HS3ST4: variants seen among roughly 807,000 people sequenced by gnomAD.
HS3ST4 encodes the protein heparan sulfate-glucosamine 3-sulfotransferase 4.
In HS3ST4, 17 loss-of-function variants were observed where a neutral mutation model predicts 29.2. The observed-to-expected ratio is 0.58, with a 90% CI of 0.40 to 0.87. HS3ST4 has a LOEUF of 0.87. Ranked by LOEUF, HS3ST4 falls within the 40% of genes least tolerant of loss-of-function variation. The pLI is 0.00. For synonymous variants in HS3ST4, 314 were observed against 285.7 expected (o/e 1.10, Z -1.00); for missense variants, 627 against 634.5 (o/e 0.99, Z 0.13).
rs549661098 is a variant in HS3ST4 at position 25,734,291 on chromosome 16, A to G, written c.734+41140A>G. Reference sequence around the variant, plus strand: ...ATTTCCCAACTCTTTACATTGCCACAAGTATGTAAAAATCGCAGAATGTGC... The same window carrying G: ...ATTTCCCAACTCTTTACATTGCCACGAGTATGTAAAAATCGCAGAATGTGC... On this transcript the variant is annotated intron_variant, in intron 1 of 1. Coordinates refer to ENST00000331351, the MANE Select transcript of HS3ST4 (RefSeq NM_006040.3). Among the ~76,000 whole-genome samples the G allele has an allele frequency of 2.6e-5, 4 of 152,302 alleles. No individual in the cohort carries two copies. The East Asian group carries it at 7.7e-4, about 29-fold the overall frequency.
rs1969642758 is a variant in HS3ST4, at chr16:26,042,335, C to T, written c.735-93277C>T. Among the ~76,000 whole-genome samples the T allele has an allele frequency of 2.0e-5, 3 of 151,408 alleles. No individual in the cohort carries two copies. In the South Asian group the frequency reaches 6.3e-4, roughly 32 times the overall value. ...CTGTTTAACCACCTACATAATAAAA[C>T]TGATGCTGGCATTTATCTCTGTGTG... On this transcript the variant is annotated intron_variant, in intron 1 of 1. Coordinates refer to ENST00000331351, the MANE Select transcript of HS3ST4 (RefSeq NM_006040.3).
chr16:25,863,068 T>C (rs1967654875), intron 1 of HS3ST4, among the ~76,000 whole-genome samples: 1 of 152,234 alleles, frequency 6.6e-6, no homozygotes, highest in Admixed American at 6.5e-5. Flanking sequence ...CTTTCGGTTG[T>C]ATGATCCAGT....
At chr16:26,085,910 T>TAATAATAAC (rs1366543086) in intron 1 of HS3ST4, among the ~76,000 whole-genome samples, 57 of 148,002 alleles carry the variant, frequency 3.9e-4, no homozygotes, top group African/African-American at 1.4e-3. Flanking sequence ...ATAATAATAA[T>TAATAATAAC]AACAATAATA....
At chr16:25,834,672 G>A (rs971989410) in intron 1 of HS3ST4, among the ~76,000 whole-genome samples, 6 of 152,150 alleles carry the variant, frequency 3.9e-5, no homozygotes, top group Admixed American at 6.5e-5. Flanking sequence ...AAGGCCAGGC[G>A]TGGTGGCTCA....
intron 1 of HS3ST4, among the ~76,000 whole-genome samples, chr16:26,042,962 A>T (rs949230555): frequency 2.0e-5 from 3 of 152,184 alleles, no homozygotes; most frequent in Admixed American, 6.5e-5. Flanking sequence ...AATATTAAAC[A>T]TTATTCACAG....
chr16:25,766,971 C>T (rs1258940819), intron 1 of HS3ST4, among the ~76,000 whole-genome samples: 3 of 152,116 alleles, frequency 2.0e-5, no homozygotes, highest in Admixed American at 1.3e-4. Flanking sequence ...TTTGACTTCC[C>T]CATAATCTAA....
chr16:25,803,345 A>G (rs1966958998), intron 1 of HS3ST4, among the ~76,000 whole-genome samples: 1 of 152,164 alleles, frequency 6.6e-6, no homozygotes. Context: ...TCTTGACTTT[A>G]GTGAGAATTC....
At chr16:25,854,416 C>T (rs920020758) in intron 1 of HS3ST4, among the ~76,000 whole-genome samples, 1 of 152,156 alleles carries the variant, frequency 6.6e-6, no homozygotes, top group Non-Finnish European at 1.5e-5. Flanking sequence ...GTGAGGATGA[C>T]CCGAGGTCAC....
chr16:25,860,365 C>T lies in HS3ST4; in HGVS notation c.734+167214C>T, dbSNP rs528386337. ...GCCATCATGCTCCTTGGTATTTACC[C>T]GAAGGAGAAGAAAACTTATGTCCAC... On this transcript the variant is annotated intron_variant, in intron 1 of 1. Transcript: ENST00000331351. Among the ~76,000 whole-genome samples the T allele has an allele frequency of 2.0e-5, 3 of 152,208 alleles. No homozygotes were observed. In the South Asian group the frequency reaches 6.2e-4, roughly 32 times the overall value.
At chr16:25,701,894 G>A (rs555500136) in intron 1 of HS3ST4, among the ~76,000 whole-genome samples, 4 of 152,310 alleles carry the variant, frequency 2.6e-5, no homozygotes, top group African/African-American at 9.6e-5. Flanking sequence ...GTGATTTATT[G>A]TTAATACAGG....
chr16:26,089,638 G>T (rs1039899981), intron 1 of HS3ST4, among the ~76,000 whole-genome samples: 4 of 152,220 alleles, frequency 2.6e-5, no homozygotes, highest in African/African-American at 4.8e-5. Context: ...CAGGCAGAGT[G>T]CTTCAGGAAA....
chr16:25,989,660 G>C (rs1567288621), intron 1 of HS3ST4, among the ~76,000 whole-genome samples: 1 of 152,182 alleles, frequency 6.6e-6, no homozygotes, highest in Non-Finnish European at 1.5e-5. Flanking sequence ...AGGCCTAACT[G>C]ACTTCGTCTG....
chr16:25,901,910 T>C (rs1362924479), intron 1 of HS3ST4, among the ~76,000 whole-genome samples: 1 of 152,222 alleles, frequency 6.6e-6, no homozygotes, highest in African/African-American at 2.4e-5. Flanking sequence ...AAAATGAGTT[T>C]CACTTGCAAG....
intron 1 of HS3ST4, among the ~76,000 whole-genome samples, chr16:26,103,427 G>A (rs1899012559): frequency 6.6e-6 from 1 of 152,078 alleles, no homozygotes; most frequent in Admixed American, 6.6e-5. Context: ...TGGATCTGGA[G>A]CTCACAAAGT....
At chr16:25,970,644 G>C (rs1968887487) in intron 1 of HS3ST4, among the ~76,000 whole-genome samples, 1 of 151,592 alleles carries the variant, frequency 6.6e-6, no homozygotes, top group South Asian at 2.1e-4. Flanking sequence ...TAGTTGCTAG[G>C]GCTATGGGAA....
chr16:25,692,600 C>T lies in HS3ST4; in HGVS notation c.183C>T (p.Phe61=), dbSNP rs768125404. ...TGGGCGGCTCGGGCTCCCTGCAATT[C>T]CCTCTGGCGCTGCAGGAGTCGCCGG... ...SLLGGSGSLQ[F]PLALQESPGA... is the part of the protein sequence containing the mutation. Residue 61 remains phenylalanine, a synonymous_variant, in exon 1 of 2, where the codon TTC becomes TTT. Transcript: ENST00000331351. 3 of 1,402,460 alleles carry T rather than the reference C, an allele frequency of 2.1e-6. No homozygotes were observed. Among genetic ancestry groups the T allele is most frequent in the South Asian group, 1.4e-5 (1 of 71,042 alleles). The allele number at this position is 1,402,460 out of a possible 1,614,324, so 86.9% of individuals were successfully genotyped here. A position where few individuals can be genotyped will look rare whatever the true frequency, so the allele number is the denominator to read the frequency against.
intron 1 of HS3ST4, among the ~76,000 whole-genome samples, chr16:26,049,298 G>T (rs943221890): frequency 2.0e-5 from 3 of 150,212 alleles, no homozygotes; most frequent in African/African-American, 7.4e-5. Context: ...CAAGGTGAGG[G>T]GGGAGGAAAA....
At chr16:25,793,169 T>G (rs1354683791) in intron 1 of HS3ST4, among the ~76,000 whole-genome samples, 1 of 151,944 alleles carries the variant, frequency 6.6e-6, no homozygotes, top group Non-Finnish European at 1.5e-5. Context: ...ATGTTTGGAT[T>G]TACTTTGTAA....
intron 1 of HS3ST4, among the ~76,000 whole-genome samples, chr16:25,914,032 A>G (rs1376852863): frequency 2.5e-5 from 3 of 121,402 alleles, no homozygotes; most frequent in African/African-American, 6.3e-5. Flanking sequence ...TGGAGGGAGC[A>G]TGTGTATGTG....
Sources: allele counts gnomAD v4.1 joint callset (sites outside exome capture counted in the v4.1 genomes callset), GRCh38; gene constraint gnomAD v4.1.1; transcripts MANE v1.5; gene names NCBI Gene and HGNC (gene_info 2026-07-23, HGNC 2026-07-21).